The following PPP2R2B variants were observed in gnomAD, a reference collection of about 807,000 sequenced individuals.
PPP2R2B encodes the protein protein phosphatase 2 regulatory subunit Bbeta, also known as serine/threonine-protein phosphatase 2A 55 kDa regulatory subunit B beta isoform.
In PPP2R2B, 5 loss-of-function variants were observed where a neutral mutation model predicts 46.0. The ratio of observed to expected loss-of-function variants is 0.11; its 90% CI spans 0.06 to 0.23. The LOEUF (loss-of-function observed/expected upper bound fraction) is 0.23, where lower values mean the gene tolerates loss of function less well. PPP2R2B is among the 10% of genes least tolerant of loss of function. The probability of loss-of-function intolerance (pLI) is 1.00; values close to 1 mark genes in which losing one functional copy is unlikely to be tolerated. For synonymous variants in PPP2R2B, 215 were observed against 206.7 expected (o/e 1.04, Z -0.34); for missense variants, 367 against 575.0 (o/e 0.64, Z 3.70).
At chr5:146,987,115 A>G (rs1299113838) in intron 1 of PPP2R2B, among the ~76,000 whole-genome samples, 4 of 152,040 alleles carry the variant, frequency 2.6e-5, no homozygotes, top group Admixed American at 6.5e-5. Context: ...ATTCAAAATG[A>G]TTTAGAAAAG....
chr5:146,975,073 G>A (rs1752839130), intron 1 of PPP2R2B, among the ~76,000 whole-genome samples: 1 of 152,096 alleles, frequency 6.6e-6, no homozygotes, highest in Non-Finnish European at 1.5e-5. Flanking sequence ...AAGTTCAGTA[G>A]TGTTACATAA....
intron 1 of PPP2R2B, among the ~76,000 whole-genome samples, chr5:146,942,480 G>A (rs533307699): frequency 6.6e-6 from 1 of 152,262 alleles, no homozygotes; most frequent in South Asian, 2.1e-4. Context: ...GCTGTGATGT[G>A]TCTTTCTTCT....
At chr5:146,599,519 T>A (rs934539414) in intron 8 of PPP2R2B, among the ~76,000 whole-genome samples, 7 of 152,212 alleles carry the variant, frequency 4.6e-5, no homozygotes, top group Admixed American at 3.9e-4. Flanking sequence ...CTACTGTATA[T>A]TACCAGGGCC....
intron 2 of PPP2R2B, among the ~76,000 whole-genome samples, chr5:147,063,972 T>C (rs970540718): frequency 3.3e-5 from 5 of 152,186 alleles, no homozygotes; most frequent in Non-Finnish European, 7.3e-5. Context: ...GTAAATCTTT[T>C]AGGAGGTAGC....
chr5:146,657,622 T>G (rs1261258049), intron 5 of PPP2R2B, among the ~76,000 whole-genome samples: 1 of 152,096 alleles, frequency 6.6e-6, no homozygotes, highest in Non-Finnish European at 1.5e-5. Context: ...ATATAGAAAA[T>G]GTACCTTAAC....
chr5:146,637,484 A>C (rs1311067495), intron 7 of PPP2R2B, among the ~76,000 whole-genome samples: 1 of 152,212 alleles, frequency 6.6e-6, no homozygotes, highest in Non-Finnish European at 1.5e-5. Flanking sequence ...TCTATATTAT[A>C]GTGGCTTCCT....
chr5:146,892,303 G>A (rs563069151), intron 1 of PPP2R2B, among the ~76,000 whole-genome samples: 89 of 152,176 alleles, frequency 5.8e-4, no homozygotes, highest in African/African-American at 2.0e-3. Context: ...TGCCACACAG[G>A]GGGATCAAAA....
At chr5:146,645,084 C>A (rs1013803723) in intron 6 of PPP2R2B, among the ~76,000 whole-genome samples, 16 of 152,272 alleles carry the variant, frequency 1.1e-4, no homozygotes, top group African/African-American at 3.9e-4. Context: ...GCAGCTGAGG[C>A]TTTTCATATC....
At chr5:146,636,748 A>C (rs1450801711) in intron 7 of PPP2R2B, among the ~76,000 whole-genome samples, 1 of 152,264 alleles carries the variant, frequency 6.6e-6, no homozygotes. Context: ...CTGATCTTCA[A>C]GGATCAACCT....
chr5:146,634,125 G>A (rs1456481617), intron 7 of PPP2R2B, among the ~76,000 whole-genome samples: 2 of 152,134 alleles, frequency 1.3e-5, no homozygotes, highest in Non-Finnish European at 2.9e-5. Context: ...TACATTAATA[G>A]ACTGAGTAAA....
intron 1 of PPP2R2B, among the ~76,000 whole-genome samples, chr5:146,973,197 C>T (rs1469361121): frequency 6.6e-6 from 1 of 152,044 alleles, no homozygotes; most frequent in Non-Finnish European, 1.5e-5. Context: ...TTGGTTGTCC[C>T]AGTAGCAATT....
intron 1 of PPP2R2B, among the ~76,000 whole-genome samples, chr5:146,950,258 T>G (rs2151834904): frequency 6.6e-6 from 1 of 152,044 alleles, no homozygotes; most frequent in East Asian, 1.9e-4. Flanking sequence ...ACATTTTACC[T>G]GTAAAAATTA....
intron 7 of PPP2R2B, among the ~76,000 whole-genome samples, chr5:146,637,379 C>T (rs192324399): frequency 6.1e-4 from 93 of 152,266 alleles, no homozygotes; most frequent in African/African-American, 2.1e-3. Context: ...GCCACAGATG[C>T]TGCTAAACAT....
chr5:146,652,934 T>G (rs976696593), intron 5 of PPP2R2B, among the ~76,000 whole-genome samples: 46 of 152,306 alleles, frequency 3.0e-4, no homozygotes, highest in African/African-American at 9.6e-4. Context: ...GATCATACAC[T>G]TTTGGACATC....
chr5:146,627,356 C>T (rs1774133966), intron 7 of PPP2R2B, among the ~76,000 whole-genome samples: 1 of 152,202 alleles, frequency 6.6e-6, no homozygotes, highest in Non-Finnish European at 1.5e-5. Flanking sequence ...TGTCTTTGGA[C>T]ACATTCCATC....
chr5:146,952,232 C>G (rs1246510494), intron 1 of PPP2R2B, among the ~76,000 whole-genome samples: 4 of 151,990 alleles, frequency 2.6e-5, no homozygotes, highest in African/African-American at 9.7e-5. Context: ...ATGACCAAGT[C>G]CTTTGTAATG....
chr5:146,660,302 C>T (rs1776595921), intron 5 of PPP2R2B, among the ~76,000 whole-genome samples: 1 of 152,104 alleles, frequency 6.6e-6, no homozygotes, highest in African/African-American at 2.4e-5. Context: ...AGTCATTTTT[C>T]ATTTTAAAAA....
intron 7 of PPP2R2B, among the ~76,000 whole-genome samples, chr5:146,628,949 T>G (rs1774241965): frequency 6.6e-6 from 1 of 152,188 alleles, no homozygotes; most frequent in South Asian, 2.1e-4. Context: ...AGCTCATACT[T>G]GATCATCTGT....
rs1416536744 is a variant in PPP2R2B at position 146,588,622 on chromosome 5, G to GGGT, written c.*1322_*1324dup. 6.6e-6 allele frequency: 1 copy of GGGT among 152,076 alleles called. No individual in the cohort carries two copies. Among genetic ancestry groups the GGGT allele is most frequent in the African/African-American group, 2.4e-5 (1 of 41,390 alleles). The allele number at this position is 152,076 out of a possible 1,614,324, so 9.4% of individuals were successfully genotyped here. A position where few individuals can be genotyped will look rare whatever the true frequency, so the allele number is the denominator to read the frequency against. On this transcript the variant is annotated 3_prime_UTR_variant, in exon 10 of 10. Coordinates refer to ENST00000394411, the MANE Select transcript of PPP2R2B (RefSeq NM_181675.4). ...TGCATGCATTTAGTGCCTTTCCTAG[G>GGGT]GGTGTGCCACATAGAACCTTCTGGA...
Sources: gnomAD v4.1 joint callset for allele counts (sites outside exome capture counted in the v4.1 genomes callset) on GRCh38, gnomAD v4.1.1 for gene constraint, MANE v1.5 for transcripts, NCBI Gene and HGNC (gene_info 2026-07-23, HGNC 2026-07-21) for gene names.